The following SDK1 variants were observed in gnomAD, a reference collection of about 807,000 sequenced individuals.
SDK1 encodes protein sidekick-1.
Under a neutral mutation model 245.5 loss-of-function variants are expected in SDK1, and 157 were observed. The ratio of observed to expected loss-of-function variants is 0.64; its 90% CI spans 0.56 to 0.73. The LOEUF (loss-of-function observed/expected upper bound fraction) is 0.73, where lower values mean the gene tolerates loss of function less well. Ranked by LOEUF, SDK1 falls within the 30% of genes least tolerant of loss-of-function variation. The probability of loss-of-function intolerance (pLI) is 0.00; values close to 1 mark genes in which losing one functional copy is unlikely to be tolerated. For synonymous variants in SDK1, 1,647 were observed against 1,278.5 expected, an observed-to-expected ratio of 1.29 and a Z score of -6.15; for missense variants, 3,583 against 3,002.3, an observed-to-expected ratio of 1.19 and a Z score of -4.52.
At chr7:3,423,829 A>G (rs1779599147) in intron 1 of SDK1, among the ~76,000 whole-genome samples, 1 of 152,182 alleles carries the variant, frequency 6.6e-6, no homozygotes, top group South Asian at 2.1e-4. Context: ...TTCTCTGTAA[A>G]TAACACAGAG....
chr7:3,770,170 A>G (rs957432203), intron 4 of SDK1, among the ~76,000 whole-genome samples: 3 of 152,228 alleles, frequency 2.0e-5, no homozygotes, highest in South Asian at 2.1e-4. Context: ...ATCCGTTTCT[A>G]TAATTATGTC....
intron 22 of SDK1, among the ~76,000 whole-genome samples, chr7:4,094,544 G>C (rs1262532976): frequency 1.3e-5 from 2 of 152,222 alleles, no homozygotes; most frequent in Non-Finnish European, 2.9e-5. Flanking sequence ...TGCCTTCAGT[G>C]AGTAGGAAAG....
intron 42 of SDK1, among the ~76,000 whole-genome samples, chr7:4,238,505 G>T (rs942527010): frequency 1.3e-5 from 2 of 152,178 alleles, no homozygotes; most frequent in Admixed American, 6.5e-5. Flanking sequence ...CCAGGTTGCA[G>T]TAAGCCATGA....
At chr7:3,600,706 G>A (rs573608457) in intron 1 of SDK1, among the ~76,000 whole-genome samples, 64 of 151,610 alleles carry the variant, frequency 4.2e-4, no homozygotes, top group Admixed American at 9.2e-4. Flanking sequence ...CCACCACCAC[G>A]CCCGGTTAAT....
chr7:4,197,704 C>A (rs954531476), intron 35 of SDK1, among the ~76,000 whole-genome samples: 1 of 152,190 alleles, frequency 6.6e-6, no homozygotes, highest in Non-Finnish European at 1.5e-5. Context: ...TCTCCACCCT[C>A]GTTTGCTCCT....
intron 5 of SDK1, among the ~76,000 whole-genome samples, chr7:3,939,503 T>C (rs932594137): frequency 6.6e-6 from 1 of 152,168 alleles, no homozygotes; most frequent in Non-Finnish European, 1.5e-5. Flanking sequence ...TCACAGTGTA[T>C]TTCAGTTTCC....
intron 16 of SDK1, among the ~76,000 whole-genome samples, chr7:4,014,866 C>G (rs1021049718): frequency 2.6e-5 from 4 of 152,144 alleles, no homozygotes; most frequent in African/African-American, 9.7e-5. Context: ...CACAAAAGCA[C>G]CCGGAGCCAC....
At chr7:4,006,148 C>G (rs892096021) in intron 14 of SDK1, among the ~76,000 whole-genome samples, 1 of 152,176 alleles carries the variant, frequency 6.6e-6, no homozygotes, top group African/African-American at 2.4e-5. Context: ...TGATAATGCT[C>G]TTTTTTATTG....
At chr7:3,378,040 A>C (rs1781397221) in intron 1 of SDK1, among the ~76,000 whole-genome samples, 1 of 152,122 alleles carries the variant, frequency 6.6e-6, no homozygotes. Flanking sequence ...CGGCTTCCCA[A>C]AGTGCTGGGA....
intron 35 of SDK1, among the ~76,000 whole-genome samples, chr7:4,194,280 A>G: frequency 9.8e-6 from 1 of 102,008 alleles, no homozygotes; most frequent in African/African-American, 3.9e-5. Flanking sequence ...ACATGTATAG[A>G]TATATGTATG....
At chr7:3,343,737 G>A (rs1424710919) in intron 1 of SDK1, among the ~76,000 whole-genome samples, 1 of 152,084 alleles carries the variant, frequency 6.6e-6, no homozygotes, top group African/African-American at 2.4e-5. Flanking sequence ...AATATGAATG[G>A]ACTGACTTCT....
At chr7:4,053,817 T>C (rs952943976) in intron 19 of SDK1, among the ~76,000 whole-genome samples, 1 of 152,202 alleles carries the variant, frequency 6.6e-6, no homozygotes, top group Non-Finnish European at 1.5e-5. Flanking sequence ...CTGCTGTGAA[T>C]TGATCCCAGA....
chr7:3,519,076 A>T (rs1782843482), intron 1 of SDK1, among the ~76,000 whole-genome samples: 2 of 152,146 alleles, frequency 1.3e-5, no homozygotes, highest in Admixed American at 6.6e-5. Context: ...ATGTTCTCAT[A>T]TGCAGAAGCT....
At chr7:3,854,971 C>CT (rs1459298926) in intron 5 of SDK1, among the ~76,000 whole-genome samples, 2 of 152,158 alleles carry the variant, frequency 1.3e-5, no homozygotes, top group African/African-American at 4.8e-5. Flanking sequence ...TCAGTGAACT[C>CT]TAACTGCTTC....
intron 13 of SDK1, among the ~76,000 whole-genome samples, chr7:3,975,178 A>C (rs1368124769): frequency 2.0e-5 from 3 of 152,214 alleles, no homozygotes; most frequent in Non-Finnish European, 2.9e-5. Flanking sequence ...TGGAGCAGGA[A>C]ACCAAAATAC....
At chr7:3,430,877 C>T (rs1452020044) in intron 1 of SDK1, among the ~76,000 whole-genome samples, 3 of 152,144 alleles carry the variant, frequency 2.0e-5, no homozygotes. Flanking sequence ...TTTCCTGCCT[C>T]TGGCTCTCTG....
rs144362596 is a variant in SDK1, at chr7:4,145,813, C to T, written c.4320C>T (p.Thr1440=). 10 of 1,613,762 alleles carry T rather than the reference C, an allele frequency of 6.2e-6. No individual in the cohort carries two copies. The Admixed American group carries it at 6.7e-5, about 11-fold the overall frequency. ...VGATVRQFTA[T]DLAPESAYIF... ...CCACAGTGAGGCAGTTCACAGCCAC[C>T]GACCTGGCCCCGGAGTCCGCATACA... The change falls in exon 29 of 45, where the codon ACC becomes ACT. Residue 1440 remains threonine, a synonymous_variant. Coordinates refer to ENST00000404826, the MANE Select transcript of SDK1 (RefSeq NM_152744.4).
chr7:3,326,429 T>C (rs1245053942), intron 1 of SDK1, among the ~76,000 whole-genome samples: 13 of 152,186 alleles, frequency 8.5e-5, no homozygotes, highest in African/African-American at 2.4e-5. Context: ...TACTCTGATA[T>C]CACTAGACAT....
chr7:3,558,240 G>A (rs1779647711), intron 1 of SDK1, among the ~76,000 whole-genome samples: 2 of 152,212 alleles, frequency 1.3e-5, no homozygotes, highest in African/African-American at 4.8e-5. Context: ...TCTGGAGTAG[G>A]CCATAGGATC....
Sources: gnomAD v4.1 joint callset for allele counts (sites outside exome capture counted in the v4.1 genomes callset) on GRCh38, gnomAD v4.1.1 for gene constraint, MANE v1.5 for transcripts, NCBI Gene and HGNC (gene_info 2026-07-23, HGNC 2026-07-21) for gene names.